CPAMD8: variants seen among roughly 807,000 people sequenced by gnomAD.
The protein encoded by CPAMD8 is C3 and PZP-like alpha-2-macroglobulin domain-containing protein 8.
CPAMD8 carries 146 observed loss-of-function variants against 224.7 expected under a neutral mutation model. The ratio of observed to expected loss-of-function variants is 0.65; its 90% confidence interval spans 0.57 to 0.75. The LOEUF (loss-of-function observed/expected upper bound fraction) is 0.75, where lower values mean the gene tolerates loss of function less well. Among genes scored for constraint, CPAMD8 ranks in the 30% least tolerant of loss-of-function variants. The pLI, the probability that CPAMD8 is intolerant of heterozygous loss-of-function variation, is 0.00. For synonymous variants in CPAMD8, 966 were observed against 1,044.6 expected (o/e 0.92, Z 1.45); for missense variants, 2,301 against 2,537.5 (o/e 0.91, Z 2.00).
At chr19:16,946,958 G>A in intron 21 of CPAMD8, 116 bp downstream of exon 21, 1 of 1,092,394 alleles carries the variant, frequency 9.2e-7, no homozygotes, top group Non-Finnish European at 1.3e-6. Flanking sequence ...TTTTCCTTGG[G>A]ACAGTCCTGA....
chr19:16,960,539 C>T (rs1466342379), intron 18 of CPAMD8, among the ~76,000 whole-genome samples: 1 of 149,876 alleles, frequency 6.7e-6, no homozygotes, highest in Admixed American at 6.7e-5. Flanking sequence ...AAGAAATGTA[C>T]AAAATGACAT....
At chr19:16,964,964 C>T (rs1186533034) in intron 18 of CPAMD8, among the ~76,000 whole-genome samples, 2 of 151,962 alleles carry the variant, frequency 1.3e-5, no homozygotes, top group African/African-American at 4.8e-5. Context: ...TCAATAGATG[C>T]AAAAAAGGTC....
chr19:17,008,816 G>A (rs1427705734), intron 6 of CPAMD8: 3 of 539,778 alleles, frequency 5.6e-6, no homozygotes, highest in Non-Finnish European at 3.3e-6. Context: ...GGCTGGGTGT[G>A]GTGGCTCACA....
At chr19:16,908,362 TAAA>T (rs58694833) in intron 29 of CPAMD8, among the ~76,000 whole-genome samples, 1 of 144,786 alleles carries the variant, frequency 6.9e-6, no homozygotes, top group Non-Finnish European at 1.5e-5. Flanking sequence ...GACCTCATCT[TAAA>T]AAAAAAAAAA....
At position 16,964,906 on chromosome 19, in the gene CPAMD8, G is replaced by A. The variant is rs372355567; in HGVS notation, c.2213+5985C>T. On this transcript the variant is annotated intron_variant, in intron 18 of 41. Coordinates refer to ENST00000443236, the MANE Select transcript of CPAMD8 (RefSeq NM_015692.5). Reference sequence around the variant, plus strand: ...GTTCAACGTACACAAATCAATAAACGAAATCCATCACATAGACAGAACCAT... The same window carrying A: ...GTTCAACGTACACAAATCAATAAACAAAATCCATCACATAGACAGAACCAT... Among the ~76,000 whole-genome samples the A allele has an allele frequency of 1.8e-4, 27 of 152,186 alleles. No individual in the cohort carries two copies. The East Asian group carries it at 2.1e-3, about 12-fold the overall frequency.
chr19:17,006,939 A>C (rs1360256551), intron 7 of CPAMD8, among the ~76,000 whole-genome samples: 1 of 152,172 alleles, frequency 6.6e-6, no homozygotes, highest in East Asian at 1.9e-4. Context: ...ACCCCATGGC[A>C]GTATCTATGT....
At chr19:16,920,855 C>CAAAAAAA (rs200039066) in intron 27 of CPAMD8, among the ~76,000 whole-genome samples, 3 of 119,090 alleles carry the variant, frequency 2.5e-5, no homozygotes, top group African/African-American at 1.2e-4. Flanking sequence ...GACTCTATCT[C>CAAAAAAA]AAAAAAAAAA....
intron 25 of CPAMD8, among the ~76,000 whole-genome samples, chr19:16,927,030 A>G (rs2547086): frequency 0.054 from 8,116 of 151,640 alleles, 679 homozygotes; most frequent in African/African-American, 0.18. Context: ...CTCCTCCCTG[A>G]CTCAGGCCCA....
At chr19:17,018,376 T>C (rs984509174) in intron 3 of CPAMD8, among the ~76,000 whole-genome samples, 6 of 152,130 alleles carry the variant, frequency 3.9e-5, no homozygotes, top group African/African-American at 1.4e-4. Context: ...TGAGAGGCAG[T>C]GGAGAAATCT....
intron 31 of CPAMD8, 30 bp downstream of exon 31, chr19:16,904,436 C>G: frequency 6.2e-7 from 1 of 1,613,984 alleles, no homozygotes; most frequent in Non-Finnish European, 8.5e-7. Flanking sequence ...ATGGCCAAGG[C>G]AGGCACCCGG....
In CPAMD8 at chr19:17,009,091, C is replaced by T. The variant is rs970588904; in HGVS notation, c.504+212G>A. On this transcript the variant is annotated intron_variant, in intron 6 of 41. Coordinates refer to ENST00000443236, the MANE Select transcript of CPAMD8 (RefSeq NM_015692.5). The stretch of plus-strand genomic sequence containing the variant: ...CAGCCTGGGTGATAGAGCGAGACTC[C>T]ATTTCAAAAAAAAAAAGGAAACGGA... The T allele has an allele frequency of 1.7e-5, 11 of 646,134 alleles. No homozygotes were observed. In the African/African-American group the frequency reaches 2.3e-4, roughly 13 times the overall value. The allele number at this position is 646,134 out of a possible 1,614,324, so 40.0% of individuals were successfully genotyped here.
At chr19:16,952,299 A>G in intron 19 of CPAMD8, 99 bp from the exon 20 acceptor site, 2 of 697,236 alleles carry the variant, frequency 2.9e-6, no homozygotes, top group South Asian at 1.6e-5. Context: ...TGGCTCAGAG[A>G]GGCACCCTAG....
chr19:16,937,819 A>AT (rs1426355186), intron 23 of CPAMD8, among the ~76,000 whole-genome samples: 1 of 151,776 alleles, frequency 6.6e-6, no homozygotes, highest in Admixed American at 6.6e-5. Context: ...CGACCAGCTA[A>AT]TTTTTTGTAT....
Position 16,951,975 on chromosome 19 carries a change from G to A in CPAMD8, c.2502C>T (p.Cys834=), listed in dbSNP as rs780717656. The change falls in exon 20 of 42, where the codon TGC becomes TGT. Residue 834 remains cysteine, a synonymous_variant. Transcript: ENST00000443236. ...TATTTGGGGGGCTGAGTACCTCAGC[G>A]CAGGTGCCCATGTAGTTGTAGACAC... ...PLSVYNYMGT[C]AEVYMKLSVP... is the part of the protein sequence containing the mutation. 1.6e-5 allele frequency: 25 copies of A among 1,559,476 alleles called. No individual in the cohort carries two copies. The highest frequency in any genetic ancestry group is 7.0e-5 in the South Asian group (6 of 85,454).
intron 13 of CPAMD8, among the ~76,000 whole-genome samples, chr19:16,989,058 G>T (rs1307349480): frequency 1.3e-5 from 2 of 152,092 alleles, no homozygotes; most frequent in Non-Finnish European, 2.9e-5. Context: ...TCTAGTTGCA[G>T]GAAAACAAGC....
intron 13 of CPAMD8, among the ~76,000 whole-genome samples, chr19:16,987,167 AAAAAAAAAAAAAATATATATAT>A (rs1366834099): frequency 1.1e-4 from 11 of 96,522 alleles, no homozygotes; most frequent in African/African-American, 3.0e-4. Flanking sequence ...AAAAAAAAAA[AAAAAAAAAAAAAATATATATAT>A]ATATATATAT....
At chr19:16,897,850 G>A in intron 38 of CPAMD8, 39 bp downstream of exon 38, 1 of 1,582,222 alleles carries the variant, frequency 6.3e-7, no homozygotes, top group Non-Finnish European at 8.6e-7. Context: ...GACGGGTCAG[G>A]GACCGGGCCG....
intron 41 of CPAMD8, 119 bp downstream of exon 41, chr19:16,896,057 T>TG: frequency 2.3e-6 from 2 of 877,650 alleles, no homozygotes; most frequent in Non-Finnish European, 3.2e-6. Context: ...CCACTGCCAG[T>TG]GGGGGGTCGG....
chr19:16,997,531 A>C (rs1263177218), intron 10 of CPAMD8, among the ~76,000 whole-genome samples, 193 bp from the exon 11 acceptor site: 2 of 152,096 alleles, frequency 1.3e-5, no homozygotes, highest in Non-Finnish European at 2.9e-5. Context: ...CATCCCAGGG[A>C]AGATGGATGT....
Sources: allele counts gnomAD v4.1 joint callset (sites outside exome capture counted in the v4.1 genomes callset), GRCh38; gene constraint gnomAD v4.1.1; transcripts MANE v1.5; gene names NCBI Gene and HGNC (gene_info 2026-07-23, HGNC 2026-07-21).